KCNH8: variants seen among roughly 807,000 people sequenced by gnomAD.
KCNH8 encodes the protein potassium voltage-gated channel subfamily H member 8.
Under a neutral mutation model 103.6 loss-of-function variants are expected in KCNH8, and 70 were observed. The ratio of observed to expected loss-of-function variants is 0.68; its 90% CI spans 0.56 to 0.82. The LOEUF is 0.82. KCNH8 is among the 40% of genes least tolerant of loss of function. KCNH8 has a pLI of 0.00. For synonymous variants in KCNH8, 498 were observed against 489.4 expected (o/e 1.02, Z -0.23); for missense variants, 1,217 against 1,329.9 (o/e 0.92, Z 1.32).
intron 1 of KCNH8, among the ~76,000 whole-genome samples, chr3:19,166,825 T>C (rs2063290400): frequency 6.6e-6 from 1 of 152,322 alleles, no homozygotes; most frequent in Admixed American, 6.5e-5. Flanking sequence ...TATAGATTTA[T>C]CCACTGAATA....
chr3:19,261,851 A>G (rs561986867), intron 2 of KCNH8, among the ~76,000 whole-genome samples: 27 of 151,638 alleles, frequency 1.8e-4, no homozygotes, highest in African/African-American at 6.5e-4. Flanking sequence ...TCCCAGTATC[A>G]TTTATTGAAG....
At chr3:19,429,295 TC>T (rs956456099) in intron 7 of KCNH8, among the ~76,000 whole-genome samples, 3 of 149,956 alleles carry the variant, frequency 2.0e-5, no homozygotes, top group Non-Finnish European at 4.4e-5. Context: ...TGCCTCAGCC[TC>T]CGGAGTAGCT....
intron 1 of KCNH8, among the ~76,000 whole-genome samples, chr3:19,206,244 G>GAT (rs1382677111): frequency 1.5e-5 from 2 of 136,114 alleles, no homozygotes; most frequent in African/African-American, 3.3e-5. Context: ...ATAACTGATT[G>GAT]ATATATATAG....
chr3:19,281,585 A>G (rs1028442929), intron 3 of KCNH8, among the ~76,000 whole-genome samples: 1 of 152,098 alleles, frequency 6.6e-6, no homozygotes, highest in Non-Finnish European at 1.5e-5. Context: ...GGATGAGAAA[A>G]CAGTTTATCA....
chr3:19,280,664 G>A (rs2125273750), intron 2 of KCNH8, among the ~76,000 whole-genome samples: 1 of 152,182 alleles, frequency 6.6e-6, no homozygotes, highest in South Asian at 2.1e-4. Context: ...GTTTAAAGTA[G>A]ATGTATTAAT....
chr3:19,176,701 T>A (rs1235266190), intron 1 of KCNH8, among the ~76,000 whole-genome samples: 1 of 152,158 alleles, frequency 6.6e-6, no homozygotes, highest in Non-Finnish European at 1.5e-5. Flanking sequence ...ATTGTTTAAT[T>A]TCATAACTAT....
chr3:19,393,931 TAATA>T (rs1212256005), intron 6 of KCNH8, among the ~76,000 whole-genome samples: 1 of 152,098 alleles, frequency 6.6e-6, no homozygotes, highest in Non-Finnish European at 1.5e-5. Flanking sequence ...TTCACTCATC[TAATA>T]AATATTTATT....
chr3:19,267,654 C>A (rs1222567509), intron 2 of KCNH8, among the ~76,000 whole-genome samples: 1 of 152,038 alleles, frequency 6.6e-6, no homozygotes, highest in Non-Finnish European at 1.5e-5. Context: ...AATATCTAAT[C>A]TTGCCTGTAA....
At chr3:19,419,231 G>T (rs1270893922) in intron 7 of KCNH8, among the ~76,000 whole-genome samples, 1 of 121,528 alleles carries the variant, frequency 8.2e-6, no homozygotes, top group African/African-American at 3.2e-5. Context: ...ACGGAGTCTC[G>T]CTCTGTCGCC....
chr3:19,518,365 T>TTAGATA (rs974679799), intron 15 of KCNH8, among the ~76,000 whole-genome samples: 2 of 152,052 alleles, frequency 1.3e-5, no homozygotes, highest in African/African-American at 4.8e-5. Flanking sequence ...ATGAAGTGTC[T>TTAGATA]TAGATATATG....
intron 14 of KCNH8, among the ~76,000 whole-genome samples, chr3:19,515,989 C>CT (rs1398888394): frequency 6.6e-6 from 1 of 152,010 alleles, no homozygotes; most frequent in Non-Finnish European, 1.5e-5. Context: ...ACTTTTCAAT[C>CT]TTGAGTTTGT....
At chr3:19,155,763 G>A (rs558654405) in intron 1 of KCNH8, among the ~76,000 whole-genome samples, 8 of 152,156 alleles carry the variant, frequency 5.3e-5, no homozygotes, top group South Asian at 2.1e-4. Flanking sequence ...CTGAGGCTCC[G>A]AGTAAAGTTA....
At chr3:19,341,109 T>A (rs1325441651) in intron 3 of KCNH8, among the ~76,000 whole-genome samples, 1 of 152,086 alleles carries the variant, frequency 6.6e-6, no homozygotes, top group Non-Finnish European at 1.5e-5. Context: ...GCTGTCCACG[T>A]GCACAGTGGC....
rs756241512 is a variant in KCNH8 at position 19,148,711 on chromosome 3, G to A, written c.-9G>A. The A allele has an allele frequency of 8.7e-6, 14 of 1,613,706 alleles. No homozygotes were observed. Among genetic ancestry groups the A allele is most frequent in the African/African-American group, 5.3e-5 (4 of 74,882 alleles). On this transcript the variant is annotated 5_prime_UTR_variant, in exon 1 of 16. Coordinates refer to ENST00000328405, the MANE Select transcript of KCNH8 (RefSeq NM_144633.3). ...ACTTTGATGGAGAATTTCACACCAC[G>A]CTGGAAAAATGCCGGTTATGAAAGG...
At position 19,258,939 on chromosome 3, in the gene KCNH8, CTCTCTCTCTATATATATA is replaced by C. The variant is rs1228787112; in HGVS notation, c.310+5054_310+5071del. Among the ~76,000 whole-genome samples the C allele has an allele frequency of 2.5e-3, 184 of 74,088 alleles. 1 individual carries two copies. The highest frequency in any genetic ancestry group is 8.3e-3 in the African/African-American group (146 of 17,626). The allele number at this position is 74,088 out of a possible 152,430, so 48.6% of individuals were successfully genotyped here. A position where few individuals can be genotyped will look rare whatever the true frequency, so the allele number is the denominator to read the frequency against. On this transcript the variant is annotated intron_variant, in intron 2 of 15. Coordinates refer to ENST00000328405, the MANE Select transcript of KCNH8 (RefSeq NM_144633.3). ...TCTCTCTCTCTCTCTCTCTCTCTCTCTCTCTCTCTATATATATATATATATATATATATATATATATAT... is the reference window on the plus strand; with the variant it reads ...TCTCTCTCTCTCTCTCTCTCTCTCTCTATATATATATATATATATATATAT...
intron 1 of KCNH8, among the ~76,000 whole-genome samples, chr3:19,176,096 A>C (rs2063397128): frequency 6.6e-6 from 1 of 152,162 alleles, no homozygotes; most frequent in Non-Finnish European, 1.5e-5. Context: ...TTTCTCAGAA[A>C]ATATGTCCAG....
chr3:19,467,888 T>C (rs2067775430), intron 11 of KCNH8, among the ~76,000 whole-genome samples: 1 of 152,124 alleles, frequency 6.6e-6, no homozygotes, highest in Non-Finnish European at 1.5e-5. Context: ...GCCTCCAGCA[T>C]TACACTCCAG....
intron 7 of KCNH8, among the ~76,000 whole-genome samples, chr3:19,419,806 GTTCA>G (rs2066924039): frequency 6.6e-6 from 1 of 151,684 alleles, no homozygotes; most frequent in African/African-American, 2.4e-5. Flanking sequence ...ATACCAGAAG[GTTCA>G]GTCAATTGAA....
At chr3:19,504,769 A>G (rs1273665835) in intron 11 of KCNH8, among the ~76,000 whole-genome samples, 5 of 152,128 alleles carry the variant, frequency 3.3e-5, no homozygotes, top group African/African-American at 9.7e-5. Context: ...CAGTGTGTCA[A>G]TTCCTCAAAG....
Sources: allele counts gnomAD v4.1 joint callset (sites outside exome capture counted in the v4.1 genomes callset), GRCh38; gene constraint gnomAD v4.1.1; transcripts MANE v1.5; gene names NCBI Gene and HGNC (gene_info 2026-07-23, HGNC 2026-07-21).